GPATCH8: variants seen among roughly 807,000 people sequenced by gnomAD.
The protein encoded by GPATCH8 is G-patch domain containing 8, also known as G patch domain-containing protein 8.
Under a neutral mutation model 118.3 loss-of-function variants are expected in GPATCH8, and 18 were observed. The ratio of observed to expected loss-of-function variants is 0.15; its 90% CI spans 0.11 to 0.23. GPATCH8 has a LOEUF of 0.23. GPATCH8 is among the 10% of genes least tolerant of loss of function. The pLI is 1.00. For synonymous variants in GPATCH8, 659 were observed against 684.7 expected (o/e 0.96, Z 0.59); for missense variants, 1,631 against 1,873.8 (o/e 0.87, Z 2.39).
At position 44,400,773 on chromosome 17, in the gene GPATCH8, T is replaced by C; in HGVS notation, c.1304A>G (p.Lys435Arg). The C allele has an allele frequency of 1.2e-6, 2 of 1,614,044 alleles. No homozygotes were observed. The highest frequency in any genetic ancestry group is 1.7e-6 in the Non-Finnish European group (2 of 1,179,888). The change falls in exon 8 of 8, where the codon AAA (lysine) becomes AGA (arginine). Residue 435 changes from lysine to arginine, a missense_variant. Physicochemically the swap from Lys to Arg is conservative, Grantham distance 26. Coordinates refer to ENST00000591680, the MANE Select transcript of GPATCH8 (RefSeq NM_001002909.4). Reference sequence around the variant, plus strand: ...TTTAGGCTTGGGAGAACTGCCTTTTTTACTCTCTGGGGCATTCTTTGGGTG... The same window carrying C: ...TTTAGGCTTGGGAGAACTGCCTTTTCTACTCTCTGGGGCATTCTTTGGGTG... ...TTHPKNAPES[K>R]KGSSPKPKSC...
intron 3 of GPATCH8, among the ~76,000 whole-genome samples, chr17:44,440,146 T>C (rs145168180): frequency 1.2e-4 from 18 of 152,244 alleles, no homozygotes; most frequent in Non-Finnish European, 2.1e-4. Flanking sequence ...ATACAGCAAA[T>C]ATTATTTAAA....
chr17:44,488,401 CTCTG>C (rs996564929), intron 1 of GPATCH8, among the ~76,000 whole-genome samples: 2 of 151,558 alleles, frequency 1.3e-5, no homozygotes, highest in African/African-American at 4.8e-5. Context: ...TGGAGTCTTG[CTCTG>C]TCACCCAGGC....
chr17:44,455,671 TAGAA>T (rs1171017984), intron 3 of GPATCH8, among the ~76,000 whole-genome samples: 7 of 152,160 alleles, frequency 4.6e-5, no homozygotes, highest in Non-Finnish European at 7.4e-5. Context: ...GAAAGTAAGA[TAGAA>T]AGACAACTTA....
At chr17:44,438,266 CA>C (rs1160078423) in intron 3 of GPATCH8, among the ~76,000 whole-genome samples, 5 of 152,020 alleles carry the variant, frequency 3.3e-5, no homozygotes, top group Non-Finnish European at 7.4e-5. Context: ...ATTCGTTTTG[CA>C]AGAATCAAGA....
intron 6 of GPATCH8, among the ~76,000 whole-genome samples, chr17:44,406,506 G>GC (rs1555622836): frequency 1.4e-5 from 1 of 69,312 alleles, no homozygotes; most frequent in Non-Finnish European, 3.2e-5. Context: ...TGGGGGGGGG[G>GC]GGTTATTTAA....
At chr17:44,457,502 T>C (rs780298259) in intron 3 of GPATCH8, among the ~76,000 whole-genome samples, 1 of 152,138 alleles carries the variant, frequency 6.6e-6, no homozygotes, top group Non-Finnish European at 1.5e-5. Flanking sequence ...AAGCAAAACT[T>C]TGAAAAAGCT....
rs752403574 is a variant in GPATCH8 at position 44,399,610 on chromosome 17, C to T, written c.2467G>A (p.Ala823Thr). The change falls in exon 8 of 8, where the codon GCT (alanine) becomes ACT (threonine). Residue 823 changes from alanine to threonine, a missense_variant. Physicochemically the swap from Ala to Thr is moderately conservative, Grantham distance 58. Transcript: ENST00000591680. ...TTCTGGTGCAGCCGGTGTGAGGAAG[C>T]ATCATCACTATCCTCATCTCCACTA... The part of the protein sequence containing the change: ...PSSGDEDSDD[A>T]SSHRLHQKSP... 5 of 1,614,208 alleles carry T rather than the reference C, an allele frequency of 3.1e-6. No individual in the cohort carries two copies. Among genetic ancestry groups the T allele is most frequent in the Non-Finnish European group, 3.4e-6 (4 of 1,180,026 alleles).
At chr17:44,498,392 C>G (rs2144502346) in intron 1 of GPATCH8, among the ~76,000 whole-genome samples, 1 of 152,284 alleles carries the variant, frequency 6.6e-6, no homozygotes, top group South Asian at 2.1e-4. Context: ...TTCCCAACCC[C>G]AATCTTTCCT....
intron 3 of GPATCH8, among the ~76,000 whole-genome samples, chr17:44,463,254 C>T (rs1341627597): frequency 6.6e-6 from 1 of 152,126 alleles, no homozygotes; most frequent in Non-Finnish European, 1.5e-5. Context: ...ATTGATCAGA[C>T]TTTGGCATTC....
rs141216995 is a variant in GPATCH8, at chr17:44,461,480, G to A, written c.193+2992C>T. 8.6e-4 allele frequency among the ~76,000 whole-genome samples: 131 copies of A among 151,792 alleles called. 1 individual carries two copies. The highest frequency in any genetic ancestry group is 3.4e-3 in the Middle Eastern group (1 of 294). The stretch of plus-strand genomic sequence containing the variant: ...ATTTCAGGCGCTAGCCACTGCACCC[G>A]GCTATGTTATCCGTTTTTTAACAAT... On this transcript the variant is annotated intron_variant, in intron 3 of 7. Transcript: ENST00000591680.
intron 2 of GPATCH8, among the ~76,000 whole-genome samples, chr17:44,472,401 C>T (rs1307245993): frequency 1.3e-5 from 2 of 152,144 alleles, no homozygotes; most frequent in Non-Finnish European, 2.9e-5. Flanking sequence ...TAGCATTAGC[C>T]TCATGTGCCA....
In GPATCH8 at chr17:44,399,545, ATCTTCCTCTTCT is replaced by A. The variant is rs750933115; in HGVS notation, c.2520_2531del (p.Glu840_Glu843del). ...GGCTGCGGGAATGCTCACTGCCTGAATCTTCCTCTTCTTCTTCCTCACTGTACTGGGATGGAG... is the reference window on the plus strand; with the variant it reads ...GGCTGCGGGAATGCTCACTGCCTGAATCTTCCTCACTGTACTGGGATGGAG... On this transcript the variant is annotated inframe_deletion, in exon 8 of 8. Coordinates refer to ENST00000591680, the MANE Select transcript of GPATCH8 (RefSeq NM_001002909.4). 5.0e-6 allele frequency: 8 copies of A among 1,614,126 alleles called. No homozygotes were observed. The highest frequency in any genetic ancestry group is 5.9e-6 in the Non-Finnish European group (7 of 1,180,000).
intron 6 of GPATCH8, among the ~76,000 whole-genome samples, chr17:44,418,060 CACA>C (rs1261747231): frequency 7.3e-5 from 11 of 151,588 alleles, no homozygotes; most frequent in African/African-American, 2.7e-4. Context: ...CCTTTAGTGG[CACA>C]AACAAGAGGC....
Position 44,455,362 on chromosome 17 carries a change from G to A in GPATCH8, c.193+9110C>T, listed in dbSNP as rs1303770885. On this transcript the variant is annotated intron_variant, in intron 3 of 7. Transcript: ENST00000591680. ...ACTAAAAATACAAGATTAGCCAGGCGTGGTGGCACATGCCTGTAATCCCAG... is the reference window on the plus strand; with the variant it reads ...ACTAAAAATACAAGATTAGCCAGGCATGGTGGCACATGCCTGTAATCCCAG... Among the ~76,000 whole-genome samples, 6 of 152,022 alleles carry A rather than the reference G, an allele frequency of 3.9e-5. No individual in the cohort carries two copies. The East Asian group carries it at 7.8e-4, about 20-fold the overall frequency.
chr17:44,502,187 T>C (rs1970117778), intron 1 of GPATCH8, among the ~76,000 whole-genome samples: 2 of 152,176 alleles, frequency 1.3e-5, no homozygotes, highest in Admixed American at 1.3e-4. Flanking sequence ...TACCTATTTA[T>C]TTACCAATCC....
rs375364447 is a variant in GPATCH8, at chr17:44,457,530, C to T, written c.193+6942G>A. Reference sequence around the variant, plus strand: ...AAAAAGCTGCTTCAGTATCAACAAACGGAATGTACATGTTATTACATAGGA... The same window carrying T: ...AAAAAGCTGCTTCAGTATCAACAAATGGAATGTACATGTTATTACATAGGA... On this transcript the variant is annotated intron_variant, in intron 3 of 7. Coordinates refer to ENST00000591680, the MANE Select transcript of GPATCH8 (RefSeq NM_001002909.4). Among the ~76,000 whole-genome samples the T allele has an allele frequency of 3.1e-4, 47 of 152,226 alleles. 1 individual carries two copies. The East Asian group carries it at 3.7e-3, about 12-fold the overall frequency.
intron 5 of GPATCH8, among the ~76,000 whole-genome samples, chr17:44,431,860 A>C (rs547504804): frequency 1.3e-5 from 2 of 152,126 alleles, no homozygotes; most frequent in Admixed American, 1.3e-4. Context: ...CAGGAGTTTA[A>C]GGCTGTAGTG....
At chr17:44,402,504 T>TG (rs1186600543) in intron 7 of GPATCH8, among the ~76,000 whole-genome samples, 1 of 152,110 alleles carries the variant, frequency 6.6e-6, no homozygotes, top group Non-Finnish European at 1.5e-5. Context: ...AAACTCTTGC[T>TG]GGGTCAGGGT....
chr17:44,403,341 G>A (rs961860422), intron 7 of GPATCH8, among the ~76,000 whole-genome samples: 5 of 152,064 alleles, frequency 3.3e-5, no homozygotes, highest in African/African-American at 1.2e-4. Flanking sequence ...CCAAAGTGCT[G>A]GGATTACAGG....
Sources: allele counts gnomAD v4.1 joint callset (sites outside exome capture counted in the v4.1 genomes callset), GRCh38; gene constraint gnomAD v4.1.1; transcripts MANE v1.5; gene names NCBI Gene and HGNC (gene_info 2026-07-23, HGNC 2026-07-21).